Variants in THBS2 observed in about 807,000 individuals in gnomAD.
THBS2 encodes thrombospondin-2.
THBS2 carries 47 observed loss-of-function variants against 135.2 expected under a neutral mutation model. The ratio of observed to expected loss-of-function variants is 0.35; its 90% confidence interval spans 0.28 to 0.44. THBS2 has a LOEUF of 0.44. THBS2 is among the 20% of genes least tolerant of loss of function. THBS2 has a pLI of 1.00. For missense variants in THBS2, 1,288 were observed against 1,603.1 expected (o/e 0.80, Z 3.36); for synonymous variants, 639 against 633.8 (o/e 1.01, Z -0.12).
At chr6:169,245,112 G>A (rs144498928) in intron 4 of THBS2, among the ~76,000 whole-genome samples, 189 of 152,304 alleles carry the variant, frequency 1.2e-3, no homozygotes, top group African/African-American at 4.3e-3. Flanking sequence ...CCTGGCCTTC[G>A]TGTGCACACG....
intron 3 of THBS2, among the ~76,000 whole-genome samples, chr6:169,247,583 GTGAC>G (rs1257094877): frequency 6.6e-6 from 1 of 152,152 alleles, no homozygotes; most frequent in Non-Finnish European, 1.5e-5. Flanking sequence ...TGTGATGTGT[GTGAC>G]TGTGTATGGT....
intron 19 of THBS2, 104 bp downstream of exon 19, chr6:169,222,093 A>G: frequency 2.2e-6 from 3 of 1,368,720 alleles, no homozygotes; most frequent in South Asian, 2.8e-5. Context: ...AGTTAAAATT[A>G]ATAAAGACAA....
chr6:169,239,735 A>T, intron 6 of THBS2, 40 bp from the exon 7 acceptor site: 1 of 1,492,016 alleles, frequency 6.7e-7, no homozygotes, highest in Non-Finnish European at 9.2e-7. Flanking sequence ...ACTCATTTAA[A>T]AGGAGGGGAC....
At chr6:169,242,574 CTTCCCCCAAA>C (rs201887122) in intron 4 of THBS2, among the ~76,000 whole-genome samples, 49 of 139,272 alleles carry the variant, frequency 3.5e-4, no homozygotes, top group South Asian at 7.4e-4. Context: ...AACTTCCCAC[CTTCCCCCAAA>C]TTCCCACCTT....
At chr6:169,244,294 T>C (rs1490020432) in intron 4 of THBS2, among the ~76,000 whole-genome samples, 1 of 145,726 alleles carries the variant, frequency 6.9e-6, no homozygotes, top group Non-Finnish European at 1.5e-5. Context: ...AGGCTGCACC[T>C]ACTAGGGTGT....
At chr6:169,229,258 CATG>C (rs1184247388) in intron 14 of THBS2, among the ~76,000 whole-genome samples, 2 of 152,248 alleles carry the variant, frequency 1.3e-5, no homozygotes, top group Non-Finnish European at 2.9e-5. Context: ...GTCTATCACT[CATG>C]GTGGTGTCAG....
In THBS2 at chr6:169,241,897, G is replaced by A. The variant is rs143628632; in HGVS notation, c.756C>T (p.Thr252=). 3.3e-5 allele frequency: 54 copies of A among 1,612,012 alleles called. No individual in the cohort carries two copies. Among genetic ancestry groups the A allele is most frequent in the Middle Eastern group, 1.6e-4 (1 of 6,070 alleles). ...ETLRLGPHVT[T]EYVGPSSERR... ...TCTCCGAGCTGGGGCCCACGTACTCGGTGGTGACATGCGGACCCAGGCGCA... is the reference window on the plus strand; with the variant it reads ...TCTCCGAGCTGGGGCCCACGTACTCAGTGGTGACATGCGGACCCAGGCGCA... Residue 252 remains threonine (T), a synonymous_variant, in exon 5 of 22, where the codon ACC becomes ACT. Transcript: ENST00000617924. The surrounding 1 kb of genome is among the most constrained non-coding windows in gnomAD (Gnocchi z 5.5).
At chr6:169,226,350 G>A (rs747756046) in intron 15 of THBS2, 52 bp from the exon 16 acceptor site, 2 of 1,443,470 alleles carry the variant, frequency 1.4e-6, no homozygotes, top group Non-Finnish European at 9.7e-7. Context: ...AAGGACAGGT[G>A]AGTTTAGAAA....
rs566007634 is a variant in THBS2 at position 169,223,466 on chromosome 6, C to T, written c.2783G>A (p.Arg928Gln). Residue 928 changes from arginine to glutamine, a missense_variant, in exon 18 of 22, where the codon CGG becomes CAG. Around this residue, in one of 2 missense-constraint regions of THBS2, gnomAD observed 874 missense variants for 1,156.1 expected, o/e 0.76. Coordinates refer to ENST00000617924, the MANE Select transcript of THBS2 (RefSeq NM_003247.5). ...AAAATCATCTTTACAAATATCACCC[C>T]GTCCATCACCTATGCACAAAGAACA... Reference protein sequence around the residue: ...PDQEDLDGDGRGDICKDDFDN... With the variant: ...PDQEDLDGDGQGDICKDDFDN... 3.3e-5 allele frequency: 53 copies of T among 1,613,864 alleles called. No individual in the cohort carries two copies. The highest frequency in any genetic ancestry group is 3.2e-4 in the South Asian group (29 of 91,058).
intron 7 of THBS2, among the ~76,000 whole-genome samples, chr6:169,238,823 T>C (rs1780195175): frequency 6.6e-6 from 1 of 152,096 alleles, no homozygotes; most frequent in Non-Finnish European, 1.5e-5. Context: ...ATTCTGGGAA[T>C]GTTTGGGGGA....
At chr6:169,237,564 G>C in intron 8 of THBS2, 61 bp downstream of exon 8, 1 of 1,602,800 alleles carries the variant, frequency 6.2e-7, no homozygotes. Context: ...AGGTCCCGAT[G>C]ACTGAGAGAA....
At position 169,246,137 on chromosome 6, in the gene THBS2, T is replaced by A. The variant is rs1780547086; in HGVS notation, c.694+60A>T. Reference sequence around the variant, plus strand: ...CACATACACACACACACATACACCATGTCACAATAGAAATCCATCCAAGCC... The same window carrying A: ...CACATACACACACACACATACACCAAGTCACAATAGAAATCCATCCAAGCC... On this transcript the variant is annotated intron_variant, in intron 4 of 21. Transcript: ENST00000617924. The A allele has an allele frequency of 2.1e-6, 3 of 1,425,420 alleles. No homozygotes were observed. The African/African-American group carries it at 4.2e-5, about 20-fold the overall frequency. 88.3% of individuals were successfully genotyped at this position (1,425,420 alleles called of 1,614,324 possible).
At chr6:169,221,353 T>C in intron 20 of THBS2, 77 bp downstream of exon 20, 1 of 1,302,774 alleles carries the variant, frequency 7.7e-7, no homozygotes. Context: ...TTGAGCTTAT[T>C]TGTCTATTAA....
In THBS2 at chr6:169,246,222, C is replaced by T. The variant is rs778667116; in HGVS notation, c.669G>A (p.Lys223=). The T allele has an allele frequency of 6.3e-5, 102 of 1,613,874 alleles. No homozygotes were observed. The highest frequency in any genetic ancestry group is 7.4e-5 in the Non-Finnish European group (87 of 1,180,006). The change falls in exon 4 of 22, where the codon AAG becomes AAA. Residue 223 remains lysine (K), a synonymous_variant. Coordinates refer to ENST00000617924, the MANE Select transcript of THBS2 (RefSeq NM_003247.5). ...CTCCCTGGCCTTGCTGGCAACCCTT[C>T]TTGCTTAGAATATCTTCCACAGAGT... ...FENSVEDILS[K]KGCQQGQGAE...
In THBS2 at chr6:169,246,085, T is replaced by C. The variant is rs534793450; in HGVS notation, c.694+112A>G. 1.2e-3 allele frequency: 984 copies of C among 832,112 alleles called. 3 individuals carry two copies. Among genetic ancestry groups the C allele is most frequent in the East Asian group, 4.4e-3 (172 of 39,360 alleles). 51.5% of individuals were successfully genotyped at this position (832,112 alleles called of 1,614,324 possible). On this transcript the variant is annotated intron_variant, in intron 4 of 21. Transcript: ENST00000617924. ...GTGGTAGTTACCCAAATATTTTTACTTAAATTTTTACAAGCATGAATGCAC... is the reference window on the plus strand; with the variant it reads ...GTGGTAGTTACCCAAATATTTTTACCTAAATTTTTACAAGCATGAATGCAC...
chr6:169,246,927 T>C (rs7382358), intron 3 of THBS2, among the ~76,000 whole-genome samples: 38,157 of 152,168 alleles, frequency 0.25, 4,986 homozygotes, highest in South Asian at 0.35. Context: ...TCTAAAGACC[T>C]GCAGTTTAAG....
At chr6:169,220,093 T>C (rs998153620) in intron 21 of THBS2, 105 bp downstream of exon 21, 2 of 1,416,034 alleles carry the variant, frequency 1.4e-6, no homozygotes, top group Non-Finnish European at 1.9e-6. Flanking sequence ...ATTAGGTTTA[T>C]TGCCCTGATG....
chr6:169,234,710 C>A lies in THBS2; in HGVS notation c.1651+24G>T, dbSNP rs375226523. Reference sequence around the variant, plus strand: ...CAGAATGGAAGCCCGGGTTTCAGTGCCCCCGCTTCTACCCCTCACTCACCC... The same window carrying A: ...CAGAATGGAAGCCCGGGTTTCAGTGACCCCGCTTCTACCCCTCACTCACCC... On this transcript the variant is annotated intron_variant, in intron 10 of 21. Transcript: ENST00000617924. 7 of 1,495,038 alleles carry A rather than the reference C, an allele frequency of 4.7e-6. No individual in the cohort carries two copies. In the East Asian group the frequency reaches 1.5e-4, roughly 32 times the overall value. 92.6% of individuals were successfully genotyped at this position (1,495,038 alleles called of 1,614,324 possible).
At chr6:169,248,337 C>T in intron 3 of THBS2, 80 bp downstream of exon 3, 11 of 1,473,032 alleles carry the variant, frequency 7.5e-6, no homozygotes, top group Non-Finnish European at 1.0e-5. Context: ...TCAAGCATCG[C>T]ATCACCAGAC....
Sources: gnomAD v4.1 joint callset for allele counts (sites outside exome capture counted in the v4.1 genomes callset) on GRCh38, gnomAD v4.1.1 for gene constraint, gnomAD v4.1.1 regional missense constraint, Gnocchi (gnomAD v3.1) non-coding constraint, MANE v1.5 for transcripts, NCBI Gene and HGNC (gene_info 2026-07-23, HGNC 2026-07-21) for gene names.